GABARAPL2: variants seen among roughly 807,000 people sequenced by gnomAD.
GABARAPL2 encodes the protein GABA type A receptor associated protein like 2.
GABARAPL2 carries 11 observed loss-of-function variants against 16.9 expected under a neutral mutation model. The observed-to-expected ratio is 0.65, with a 90% CI of 0.41 to 1.08. GABARAPL2 has a LOEUF of 1.08. Ranked by LOEUF, GABARAPL2 falls within the 50% of genes least tolerant of loss-of-function variation. The pLI, the probability that GABARAPL2 is intolerant of heterozygous loss-of-function variation, is 0.00. For missense variants in GABARAPL2, 134 were observed against 142.5 expected (o/e 0.94, Z 0.30); for synonymous variants, 57 against 50.7 (o/e 1.12, Z -0.53).
chr16:75,577,074 G>C (rs2080953899), intron 3 of GABARAPL2: 1 of 493,838 alleles, frequency 2.0e-6, no homozygotes, highest in Non-Finnish European at 3.6e-6. Context: ...ATTTACTTGG[G>C]AGGATGTCAA....
At position 75,566,865 on chromosome 16, in the gene GABARAPL2, G is replaced by C; in HGVS notation, c.48G>C (p.Val16=). The C allele has an allele frequency of 6.2e-7, 1 of 1,613,492 alleles. No individual in the cohort carries two copies. Among genetic ancestry groups the C allele is most frequent in the East Asian group, 2.2e-5 (1 of 44,876 alleles). Reference sequence around the variant, plus strand: ...TTTCTCCCACAGAACACAGATGCGTGGAGTCCGCGAAGATTCGAGCGAAAT... The same window carrying C: ...TTTCTCCCACAGAACACAGATGCGTCGAGTCCGCGAAGATTCGAGCGAAAT... ...KEDHSLEHRC[V]ESAKIRAKYP... is the part of the protein sequence containing the mutation. Residue 16 remains valine (V), a synonymous_variant, in exon 2 of 4, where the codon GTG becomes GTC. Coordinates refer to ENST00000037243, the MANE Select transcript of GABARAPL2 (RefSeq NM_007285.7).
chr16:75,571,417 G>A (rs930881422), intron 3 of GABARAPL2, among the ~76,000 whole-genome samples: 7 of 152,206 alleles, frequency 4.6e-5, no homozygotes, highest in Middle Eastern at 3.2e-3. Flanking sequence ...GTGATTTTCA[G>A]GGCAACAGAG....
In GABARAPL2 at chr16:75,566,846, C is replaced by T; in HGVS notation, c.35-6C>T. 6.2e-7 allele frequency: 1 copy of T among 1,612,914 alleles called. No individual in the cohort carries two copies. Among genetic ancestry groups the T allele is most frequent in the Admixed American group, 1.7e-5 (1 of 60,024 alleles). On this transcript the variant is annotated splice_polypyrimidine_tract_variant and splice_region_variant and intron_variant, in intron 1 of 3. Transcript: ENST00000037243. ...CGGCCGTCAGCCCCGTTTGTTTCTC[C>T]CACAGAACACAGATGCGTGGAGTCC...
intron 3 of GABARAPL2, among the ~76,000 whole-genome samples, chr16:75,574,738 A>G (rs532931375): frequency 7.3e-4 from 102 of 139,308 alleles, no homozygotes; most frequent in Non-Finnish European, 1.3e-3. Context: ...TCCCTTTGCA[A>G]CCTGGCTGCA....
chr16:75,574,553 C>T (rs532730882), intron 3 of GABARAPL2, among the ~76,000 whole-genome samples: 2 of 152,220 alleles, frequency 1.3e-5, no homozygotes, highest in South Asian at 4.1e-4. Flanking sequence ...TGGGGTTACT[C>T]TCTGGGCATT....
chr16:75,573,063 G>C (rs1313104246), intron 3 of GABARAPL2, among the ~76,000 whole-genome samples: 1 of 152,208 alleles, frequency 6.6e-6, no homozygotes, highest in African/African-American at 2.4e-5. Flanking sequence ...GGATCCTCAG[G>C]CATCCTAGCA....
At chr16:75,572,852 G>A (rs890118473) in intron 3 of GABARAPL2, among the ~76,000 whole-genome samples, 3 of 152,198 alleles carry the variant, frequency 2.0e-5, no homozygotes, top group Admixed American at 6.5e-5. Context: ...TTTCTCAGAT[G>A]AATGCGTGTG....
chr16:75,566,999 A>G, intron 2 of GABARAPL2, 92 bp downstream of exon 2: 1 of 1,122,504 alleles, frequency 8.9e-7, no homozygotes, highest in Non-Finnish European at 1.3e-6. Flanking sequence ...TGACAAGTTG[A>G]GGTTCCAGTC....
chr16:75,570,587 A>G (rs2080908783), intron 3 of GABARAPL2, among the ~76,000 whole-genome samples: 1 of 152,152 alleles, frequency 6.6e-6, no homozygotes, highest in Non-Finnish European at 1.5e-5. Context: ...CTGCATGAAG[A>G]TCAATTATGT....
At chr16:75,572,769 G>C (rs2080923572) in intron 3 of GABARAPL2, 1 of 152,198 alleles carries the variant, frequency 6.6e-6, no homozygotes, top group South Asian at 2.1e-4. Flanking sequence ...TCTACCACTG[G>C]CTTTACCCGT....
Position 75,577,408 on chromosome 16 carries a change from T to C in GABARAPL2, c.*39T>C. On this transcript the variant is annotated 3_prime_UTR_variant, in exon 4 of 4. Transcript: ENST00000037243. ...GCTAGGTGCACCGTAACTGCTTGTGTATCTTGTAAATAGCCAGCCATTTTC... is the reference window on the plus strand; with the variant it reads ...GCTAGGTGCACCGTAACTGCTTGTGCATCTTGTAAATAGCCAGCCATTTTC... The C allele has an allele frequency of 8.3e-7, 1 of 1,206,264 alleles. No homozygotes were observed. The highest frequency in any genetic ancestry group is 1.2e-5 in the South Asian group (1 of 82,976). 74.7% of individuals were successfully genotyped at this position (1,206,264 alleles called of 1,614,324 possible). A position where few individuals can be genotyped will look rare whatever the true frequency, so the allele number is the denominator to read the frequency against.
rs2080957666 is a variant in GABARAPL2 at position 75,577,595 on chromosome 16, C to G, written c.*226C>G. 2 of 415,080 alleles carry G rather than the reference C, an allele frequency of 4.8e-6. No individual in the cohort carries two copies. The highest frequency in any genetic ancestry group is 3.9e-5 in the Admixed American group (1 of 25,576). The allele number at this position is 415,080 out of a possible 1,614,324, so 25.7% of individuals were successfully genotyped here. On this transcript the variant is annotated 3_prime_UTR_variant, in exon 4 of 4. Transcript: ENST00000037243. The stretch of plus-strand genomic sequence containing the variant: ...TGTGCATTGTCCTCATGCCTGTATT[C>G]TCCAGGAAACTTGTCCTTCTGGAAA...
chr16:75,576,369 C>T (rs1597061719), intron 3 of GABARAPL2: 1 of 152,246 alleles, frequency 6.6e-6, no homozygotes. Flanking sequence ...ACTGTTTCCT[C>T]AGGTTGAGGC....
chr16:75,568,949 T>C (rs1266032596), intron 3 of GABARAPL2, among the ~76,000 whole-genome samples: 1 of 152,176 alleles, frequency 6.6e-6, no homozygotes. Flanking sequence ...GAGTGGGTAG[T>C]TGTAGGCCCT....
chr16:75,567,186 C>T (rs1221445434), intron 2 of GABARAPL2, among the ~76,000 whole-genome samples: 11 of 152,224 alleles, frequency 7.2e-5, no homozygotes, highest in Non-Finnish European at 1.3e-4. Flanking sequence ...TGTTCTAGGA[C>T]AGGGCAACAG....
At position 75,577,312 on chromosome 16, in the gene GABARAPL2, A is replaced by G. The variant is rs1352009759; in HGVS notation, c.297A>G (p.Lys99=). The change falls in exon 4 of 4, where the codon AAA becomes AAG. Residue 99 remains lysine (K), a synonymous_variant. Transcript: ENST00000037243. The part of the protein sequence containing the change: ...LTMGQLYEKE[K]DEDGFLYVAY... ...TGGGACAGCTTTACGAGAAGGAAAA[A>G]GATGAAGATGGATTCTTATATGTGG... 2.5e-6 allele frequency: 4 copies of G among 1,612,450 alleles called. No homozygotes were observed. Among genetic ancestry groups the G allele is most frequent in the Non-Finnish European group, 3.4e-6 (4 of 1,178,556 alleles).
intron 3 of GABARAPL2, among the ~76,000 whole-genome samples, chr16:75,575,000 C>T (rs1419028976): frequency 6.6e-6 from 1 of 152,050 alleles, no homozygotes; most frequent in Non-Finnish European, 1.5e-5. Flanking sequence ...CTACTGTACT[C>T]CAGCCCAAGC....
At chr16:75,569,890 G>C (rs962639592) in intron 3 of GABARAPL2, among the ~76,000 whole-genome samples, 2 of 152,146 alleles carry the variant, frequency 1.3e-5, no homozygotes, top group African/African-American at 4.8e-5. Context: ...CCTTTCCAGT[G>C]TGGTGAGAAT....
At chr16:75,577,016 ATG>A in intron 3 of GABARAPL2, 1 of 351,526 alleles carries the variant, frequency 2.8e-6, no homozygotes, top group Non-Finnish European at 5.2e-6. Flanking sequence ...AGAGGCATCC[ATG>A]TGTTAGCCAG....
Sources: allele counts gnomAD v4.1 joint callset (sites outside exome capture counted in the v4.1 genomes callset), GRCh38; gene constraint gnomAD v4.1.1; transcripts MANE v1.5; gene names NCBI Gene and HGNC (gene_info 2026-07-23, HGNC 2026-07-21).